The following SSBP2 variants were observed in gnomAD, a reference collection of about 807,000 sequenced individuals.
SSBP2 encodes single stranded DNA binding protein 2.
SSBP2 carries 17 observed loss-of-function variants against 61.8 expected under a neutral mutation model. The ratio of observed to expected loss-of-function variants is 0.28; its 90% CI spans 0.19 to 0.41. SSBP2 has a LOEUF of 0.41. Ranked by LOEUF, SSBP2 falls within the 10% of genes least tolerant of loss-of-function variation. SSBP2 has a pLI of 1.00. For synonymous variants in SSBP2, 139 were observed against 141.3 expected (o/e 0.98, Z 0.12); for missense variants, 310 against 458.7 (o/e 0.68, Z 2.96).
intron 2 of SSBP2, among the ~76,000 whole-genome samples, chr5:81,644,269 ATTTTTG>A (rs1303058132): frequency 6.6e-6 from 1 of 152,246 alleles, no homozygotes; most frequent in Middle Eastern, 3.4e-3. Context: ...GATCCTTTCT[ATTTTTG>A]TTTTTATTTT....
chr5:81,676,778 A>T (rs571557990), intron 1 of SSBP2, among the ~76,000 whole-genome samples: 3 of 152,186 alleles, frequency 2.0e-5, no homozygotes, highest in Non-Finnish European at 4.4e-5. Context: ...GTAGCTAGTT[A>T]TTTTAGAATT....
At chr5:81,426,718 G>C (rs926206950) in intron 16 of SSBP2, among the ~76,000 whole-genome samples, 3 of 152,178 alleles carry the variant, frequency 2.0e-5, no homozygotes, top group African/African-American at 7.2e-5. Flanking sequence ...CCCCAGTGAA[G>C]AGCTTTCTGA....
intron 1 of SSBP2, among the ~76,000 whole-genome samples, chr5:81,699,007 G>C (rs780877047): frequency 6.6e-6 from 1 of 152,180 alleles, no homozygotes; most frequent in Non-Finnish European, 1.5e-5. Context: ...CTACAATAAA[G>C]TGAGTCACAT....
At chr5:81,529,107 C>G (rs2154102902) in intron 4 of SSBP2, among the ~76,000 whole-genome samples, 1 of 151,904 alleles carries the variant, frequency 6.6e-6, no homozygotes, top group African/African-American at 2.4e-5. Flanking sequence ...GATACTATTT[C>G]TAAGTTTTTG....
chr5:81,511,433 T>C (rs1434782756), intron 5 of SSBP2, among the ~76,000 whole-genome samples: 1 of 152,198 alleles, frequency 6.6e-6, no homozygotes, highest in Non-Finnish European at 1.5e-5. Context: ...TCCTACTGAA[T>C]ACTCAGGTTC....
intron 4 of SSBP2, among the ~76,000 whole-genome samples, chr5:81,533,976 C>G (rs548827393): frequency 1.7e-4 from 26 of 152,204 alleles, no homozygotes; most frequent in Non-Finnish European, 3.4e-4. Context: ...TTCTGAAATA[C>G]TCCAGAGCAT....
intron 1 of SSBP2, among the ~76,000 whole-genome samples, chr5:81,661,867 G>A (rs908682992): frequency 1.3e-5 from 2 of 151,954 alleles, no homozygotes; most frequent in Non-Finnish European, 2.9e-5. Flanking sequence ...ACCTACTTTT[G>A]CTTTTGTTGG....
rs143622253 is a variant in SSBP2 at position 81,741,298 on chromosome 5, A to C, written c.62+9683T>G. ...GAATAGTCAAATTCTTGGAGACAGA[A>C]AATAGAATGGTAGTTGTCAAGGGCA... On this transcript the variant is annotated intron_variant, in intron 1 of 16. Transcript: ENST00000320672. Among the ~76,000 whole-genome samples the C allele has an allele frequency of 2.2e-3, 333 of 152,324 alleles. 2 individuals are homozygous for C. Among genetic ancestry groups the C allele is most frequent in the African/African-American group, 7.6e-3 (315 of 41,588 alleles).
At chr5:81,561,648 C>T (rs1773049010) in intron 4 of SSBP2, among the ~76,000 whole-genome samples, 1 of 151,514 alleles carries the variant, frequency 6.6e-6, no homozygotes, top group African/African-American at 2.4e-5. Context: ...CCTTTGTTTT[C>T]AGTGACCCTA....
At chr5:81,717,993 C>T (rs1755281284) in intron 1 of SSBP2, among the ~76,000 whole-genome samples, 1 of 152,152 alleles carries the variant, frequency 6.6e-6, no homozygotes, top group African/African-American at 2.4e-5. Context: ...TCAGACTTCA[C>T]TTCTAACTTT....
Position 81,598,915 on chromosome 5 carries a change from C to T in SSBP2, c.282+16558G>A, listed in dbSNP as rs537602617. Among the ~76,000 whole-genome samples the T allele has an allele frequency of 2.6e-5, 4 of 152,288 alleles. No individual in the cohort carries two copies. In the East Asian group the frequency reaches 7.7e-4, roughly 29 times the overall value. Reference sequence around the variant, plus strand: ...ATGCTTCCCTCTGGGCTAGACCCCACTTTGATTCTTAATTTAAAAAAACTA... The same window carrying T: ...ATGCTTCCCTCTGGGCTAGACCCCATTTTGATTCTTAATTTAAAAAAACTA... On this transcript the variant is annotated intron_variant, in intron 4 of 16. Coordinates refer to ENST00000320672, the MANE Select transcript of SSBP2 (RefSeq NM_012446.5).
intron 4 of SSBP2, among the ~76,000 whole-genome samples, chr5:81,520,479 A>T (rs1769389425): frequency 1.3e-5 from 2 of 152,202 alleles, no homozygotes; most frequent in Admixed American, 1.3e-4. Flanking sequence ...TTTACGAAAA[A>T]AATGAGAATA....
intron 4 of SSBP2, among the ~76,000 whole-genome samples, chr5:81,610,833 C>A (rs1011769631): frequency 6.6e-6 from 1 of 151,878 alleles, no homozygotes; most frequent in Non-Finnish European, 1.5e-5. Flanking sequence ...ATCTCTACTA[C>A]AAATACAAAA....
intron 4 of SSBP2, among the ~76,000 whole-genome samples, chr5:81,553,211 C>T (rs977265107): frequency 6.6e-6 from 1 of 152,150 alleles, no homozygotes; most frequent in African/African-American, 2.4e-5. Context: ...ACGAAATGTA[C>T]ATGCAAAACC....
chr5:81,434,451 A>C (rs1762538885), intron 15 of SSBP2, among the ~76,000 whole-genome samples: 1 of 151,958 alleles, frequency 6.6e-6, no homozygotes, highest in African/African-American at 2.4e-5. Flanking sequence ...TGAGGTCAGG[A>C]GTTCCAGACC....
In SSBP2 at chr5:81,615,529, G is replaced by C; in HGVS notation, c.226C>G (p.Pro76Ala). ...TGTTCACATGTTTCACGTCTCTCTG[G>C]AGCTGCACAGTAGAGATCCCAAAAT... Residue 76 changes from proline to alanine, a missense_variant, in exon 4 of 17, where the codon CCA (proline) becomes GCA (alanine). This residue lies in a region of SSBP2 where 209 missense variants were observed against 286.4 expected (regional missense o/e 0.73). Transcript: ENST00000320672. The C allele has an allele frequency of 6.2e-7, 1 of 1,613,554 alleles. No individual in the cohort carries two copies. Among genetic ancestry groups the C allele is most frequent in the Non-Finnish European group, 8.5e-7 (1 of 1,179,720 alleles).
At chr5:81,613,226 T>C (rs537473376) in intron 4 of SSBP2, among the ~76,000 whole-genome samples, 2 of 152,096 alleles carry the variant, frequency 1.3e-5, no homozygotes, top group South Asian at 4.1e-4. Flanking sequence ...TCTGACACAA[T>C]GTGCTAATAT....
intron 6 of SSBP2, among the ~76,000 whole-genome samples, chr5:81,482,567 T>C (rs2058397725): frequency 6.6e-6 from 1 of 152,206 alleles, no homozygotes; most frequent in African/African-American, 2.4e-5. Context: ...AACAAATCTC[T>C]GCCCGCCGCC....
intron 12 of SSBP2, among the ~76,000 whole-genome samples, chr5:81,445,098 G>A (rs1247696946): frequency 7.1e-6 from 1 of 141,384 alleles, no homozygotes; most frequent in Non-Finnish European, 1.5e-5. Context: ...ACTCCAGCCT[G>A]GGTGACAGAG....
Sources: allele counts gnomAD v4.1 joint callset (sites outside exome capture counted in the v4.1 genomes callset), GRCh38; gene constraint gnomAD v4.1.1; regional missense constraint gnomAD v4.1.1; transcripts MANE v1.5; gene names NCBI Gene and HGNC (gene_info 2026-07-23, HGNC 2026-07-21).